Variants in NOL4 observed in about 807,000 individuals in gnomAD.
The protein encoded by NOL4 is cancer/testis antigen 125.
Under a neutral mutation model 75.9 loss-of-function variants are expected in NOL4, and 17 were observed. The ratio of observed to expected loss-of-function variants is 0.22; its 90% CI spans 0.15 to 0.34. NOL4 has a LOEUF of 0.34. NOL4 is among the 10% of genes least tolerant of loss of function. The pLI is 1.00. For missense variants in NOL4, 614 were observed against 793.5 expected (o/e 0.77, Z 2.72); for synonymous variants, 292 against 289.9 (o/e 1.01, Z -0.07).
chr18:33,875,503 A>T (rs1341600749), intron 10 of NOL4, among the ~76,000 whole-genome samples: 1 of 152,018 alleles, frequency 6.6e-6, no homozygotes, highest in East Asian at 1.9e-4. Context: ...TGAAGTCTCC[A>T]ATCGGGCAAG....
Position 33,943,143 on chromosome 18 carries a change from A to G in NOL4, c.1464T>C (p.Val488=). 1 of 1,611,616 alleles carries G rather than the reference A, an allele frequency of 6.2e-7. No homozygotes were observed. Among genetic ancestry groups the G allele is most frequent in the Non-Finnish European group, 8.5e-7 (1 of 1,178,674 alleles). Reference sequence around the variant, plus strand: ...AAGCTGAAGCCAAGATACTCTCTGCAACTGCTGAAGTAAGGTGGGAAGGAA... The same window carrying G: ...AAGCTGAAGCCAAGATACTCTCTGCGACTGCTGAAGTAAGGTGGGAAGGAA... ...RPIPSHLTSA[V]AESILASACE... The change falls in exon 9 of 11, where the codon GTT becomes GTC. Residue 488 remains valine (V), a synonymous_variant. Transcript: ENST00000261592.
intron 1 of NOL4, among the ~76,000 whole-genome samples, chr18:34,136,867 A>G (rs1033981322): frequency 6.6e-6 from 1 of 151,872 alleles, no homozygotes; most frequent in South Asian, 2.1e-4. Flanking sequence ...AATAGCCTTT[A>G]AAAAAAAGAA....
At chr18:33,905,158 G>T (rs1315706301) in intron 9 of NOL4, among the ~76,000 whole-genome samples, 1 of 152,156 alleles carries the variant, frequency 6.6e-6, no homozygotes, top group African/African-American at 2.4e-5. Context: ...TTTAGCAATT[G>T]CCAAATATGT....
chr18:33,879,784 T>A (rs890102963), intron 10 of NOL4, among the ~76,000 whole-genome samples: 1 of 128,068 alleles, frequency 7.8e-6, no homozygotes, highest in Non-Finnish European at 1.8e-5. Flanking sequence ...TATTGGCAAC[T>A]TTTTTTTTTT....
At chr18:34,218,900 G>A (rs1369107582) in intron 1 of NOL4, among the ~76,000 whole-genome samples, 2 of 152,214 alleles carry the variant, frequency 1.3e-5, no homozygotes, top group African/African-American at 4.8e-5. Flanking sequence ...AGGTGGAAAG[G>A]TATACAGGAC....
intron 5 of NOL4, among the ~76,000 whole-genome samples, chr18:34,045,559 T>C (rs1189302539): frequency 6.6e-6 from 1 of 152,158 alleles, no homozygotes; most frequent in African/African-American, 2.4e-5. Context: ...TTTCAACAAC[T>C]GCTCTGGCTA....
chr18:33,864,578 C>T (rs2063337863), intron 10 of NOL4, among the ~76,000 whole-genome samples: 1 of 152,170 alleles, frequency 6.6e-6, no homozygotes, highest in African/African-American at 2.4e-5. Flanking sequence ...TCCAAACTGT[C>T]CCACATCTTC....
chr18:33,898,673 C>G (rs2065566487), intron 9 of NOL4, among the ~76,000 whole-genome samples: 2 of 152,164 alleles, frequency 1.3e-5, no homozygotes, highest in Admixed American at 6.6e-5. Flanking sequence ...CTCATCATCT[C>G]TCATTTGAAT....
intron 9 of NOL4, among the ~76,000 whole-genome samples, chr18:33,911,876 T>C (rs1367597927): frequency 1.3e-5 from 2 of 152,112 alleles, no homozygotes; most frequent in African/African-American, 2.4e-5. Context: ...AGCATATTTT[T>C]CCACTATTAT....
At chr18:33,988,395 A>T (rs1370710685) in intron 6 of NOL4, among the ~76,000 whole-genome samples, 1 of 152,110 alleles carries the variant, frequency 6.6e-6, no homozygotes, top group Non-Finnish European at 1.5e-5. Context: ...AAACATAAAA[A>T]GATACTTGAG....
chr18:34,142,227 T>C (rs2081199946), intron 1 of NOL4, among the ~76,000 whole-genome samples: 2 of 152,208 alleles, frequency 1.3e-5, no homozygotes, highest in African/African-American at 2.4e-5. Flanking sequence ...TTCTAAGCTG[T>C]TGGCGGGACT....
At chr18:34,148,787 ATCTG>A (rs2081518780) in intron 1 of NOL4, among the ~76,000 whole-genome samples, 1 of 151,904 alleles carries the variant, frequency 6.6e-6, no homozygotes, top group Non-Finnish European at 1.5e-5. Flanking sequence ...TGTCTTGTTG[ATCTG>A]TCTAATATTG....
intron 5 of NOL4, among the ~76,000 whole-genome samples, chr18:34,079,205 A>G (rs2077883851): frequency 6.6e-6 from 1 of 152,116 alleles, no homozygotes; most frequent in African/African-American, 2.4e-5. Context: ...TTGGCAGAAA[A>G]AGGAGGCAAG....
In NOL4 at chr18:34,223,488, C is replaced by T; in HGVS notation, c.-235G>A. ...GTCCATTCGTAATTGCAACGGCTGT[C>T]TCGGACGTTTTTCCTGTTCCCTTAG... On this transcript the variant is annotated 5_prime_UTR_variant, in exon 1 of 11. Transcript: ENST00000261592. 1 of 592,314 alleles carries T rather than the reference C, an allele frequency of 1.7e-6. No individual in the cohort carries two copies. The highest frequency in any genetic ancestry group is 3.0e-6 in the Non-Finnish European group (1 of 337,932). The allele number at this position is 592,314 out of a possible 1,614,324, so 36.7% of individuals were successfully genotyped here.
rs537014506 is a variant in NOL4 at position 34,081,407 on chromosome 18, T to A, written c.772+12058A>T. On this transcript the variant is annotated intron_variant, in intron 5 of 10. Coordinates refer to ENST00000261592, the MANE Select transcript of NOL4 (RefSeq NM_003787.5). The stretch of plus-strand genomic sequence containing the variant: ...TATTCTTTTAAAATATTTTATTAGA[T>A]TGAAATGACTATCACTATTATATAA... 5.9e-5 allele frequency among the ~76,000 whole-genome samples: 9 copies of A among 152,264 alleles called. No homozygotes were observed. The South Asian group carries it at 1.0e-3, about 18-fold the overall frequency.
intron 1 of NOL4, among the ~76,000 whole-genome samples, chr18:34,199,584 C>T (rs918345272): frequency 6.6e-6 from 1 of 151,812 alleles, no homozygotes; most frequent in Non-Finnish European, 1.5e-5. Context: ...CCATAAAAGC[C>T]AAGTAAAACT....
chr18:34,093,621 T>C lies in NOL4; in HGVS notation c.640-24A>G, dbSNP rs759435041. 4.5e-5 allele frequency: 69 copies of C among 1,541,388 alleles called. 1 individual carries two copies. The highest frequency in any genetic ancestry group is 6.1e-5 in the Non-Finnish European group (69 of 1,131,874). On this transcript the variant is annotated intron_variant, in intron 4 of 10. Transcript: ENST00000261592. ...TCCTGAAAATAGTTTTAAAATATCA[T>C]CAAGCATTTTAACGTATAATACGTT... is the stretch of plus-strand genomic sequence containing the variant.
chr18:34,067,112 G>C (rs1192821535), intron 5 of NOL4, among the ~76,000 whole-genome samples: 1 of 152,094 alleles, frequency 6.6e-6, no homozygotes, highest in African/African-American at 2.4e-5. Flanking sequence ...ATGTGTTATA[G>C]AGAACATAAA....
At chr18:34,188,224 A>C (rs1272796715) in intron 1 of NOL4, among the ~76,000 whole-genome samples, 1 of 152,168 alleles carries the variant, frequency 6.6e-6, no homozygotes, top group Non-Finnish European at 1.5e-5. Flanking sequence ...TAATTGTTGA[A>C]TATATGCTAG....
Sources: allele counts gnomAD v4.1 joint callset (sites outside exome capture counted in the v4.1 genomes callset), GRCh38; gene constraint gnomAD v4.1.1; transcripts MANE v1.5; gene names NCBI Gene and HGNC (gene_info 2026-07-23, HGNC 2026-07-21).